TFEC: variants seen among roughly 807,000 people sequenced by gnomAD.
The protein encoded by TFEC is class E basic helix-loop-helix protein 34.
In TFEC, 31 loss-of-function variants were observed where a neutral mutation model predicts 41.6. The ratio of observed to expected loss-of-function variants is 0.74; its 90% CI spans 0.56 to 1.01. TFEC has a LOEUF of 1.01. Ranked by LOEUF, TFEC falls within the 50% of genes least tolerant of loss-of-function variation. The probability of loss-of-function intolerance (pLI) is 0.00; values close to 1 mark genes in which losing one functional copy is unlikely to be tolerated. For synonymous variants in TFEC, 143 were observed against 140.6 expected (o/e 1.02, Z -0.12); for missense variants, 402 against 404.1 (o/e 0.99, Z 0.04).
At chr7:116,136,628 G>T (rs1260892512) in intron 1 of TFEC, among the ~76,000 whole-genome samples, 1 of 151,702 alleles carries the variant, frequency 6.6e-6, no homozygotes, top group African/African-American at 2.4e-5. Flanking sequence ...ATTAATATTA[G>T]GTTATTTATA....
rs532886792 is a variant in TFEC at position 116,145,282 on chromosome 7, T to C, written c.-69+14508A>G. 1.3e-3 allele frequency among the ~76,000 whole-genome samples: 194 copies of C among 152,158 alleles called. 1 individual carries two copies. The highest frequency in any genetic ancestry group is 3.4e-3 in the Middle Eastern group (1 of 294). On this transcript the variant is annotated intron_variant, in intron 1 of 8. Coordinates refer to the TFEC transcript ENST00000484212. ...AATAAAATTCATGCTCATGAGAGAG[T>C]AAATTGATATCTACAAATCTCACCC...
intron 3 of TFEC, among the ~76,000 whole-genome samples, chr7:116,049,492 G>C (rs937222332): frequency 2.6e-5 from 4 of 152,134 alleles, no homozygotes; most frequent in Non-Finnish European, 4.4e-5. Context: ...AGTCCTTAGA[G>C]ACCTACAAAG....
Position 115,944,013 on chromosome 7 carries a change from A to ATTTTTTTTTTTTTTTTTTTTTTTTT in TFEC, c.516-1998_516-1974dup, listed in dbSNP as rs1160114562. 2.3e-3 allele frequency among the ~76,000 whole-genome samples: 53 copies of ATTTTTTTTTTTTTTTTTTTTTTTTT among 22,840 alleles called. 9 individuals are homozygous for ATTTTTTTTTTTTTTTTTTTTTTTTT. The highest frequency in any genetic ancestry group is 3.4e-3 in the Non-Finnish European group (33 of 9,652). The allele number at this position is 22,840 out of a possible 152,430, so 15.0% of individuals were successfully genotyped here. On this transcript the variant is annotated intron_variant, in intron 6 of 7. Transcript: ENST00000265440. ...GAAAATAATACTATGACAGGTCTGA[A>ATTTTTTTTTTTTTTTTTTTTTTTTT]TTTTTTTTTTTTTTTTTTTTTTTTT...
intron 5 of TFEC, among the ~76,000 whole-genome samples, chr7:115,953,118 A>G (rs1463285327): frequency 1.3e-5 from 2 of 151,114 alleles, no homozygotes; most frequent in East Asian, 1.9e-4. Flanking sequence ...CAGGGTGTTC[A>G]CCGTCACATT....
rs532199687 is a variant in TFEC at position 116,079,364 on chromosome 7, CACATCAGT to C, written c.198+31336_198+31343del. On this transcript the variant is annotated intron_variant, in intron 3 of 8. Transcript: ENST00000484212. The stretch of plus-strand genomic sequence containing the variant: ...ACAAGAAAAACAAATAAAGGGCATC[CACATCAGT>C]AAAGAGGAAGTCAAAATGTTAGTGT... Among the ~76,000 whole-genome samples, 112 of 152,072 alleles carry C rather than the reference CACATCAGT, an allele frequency of 7.4e-4. 1 individual carries two copies. The highest frequency in any genetic ancestry group is 2.6e-3 in the African/African-American group (106 of 41,508).
At chr7:116,125,563 A>G (rs1798192158) in intron 1 of TFEC, among the ~76,000 whole-genome samples, 1 of 152,206 alleles carries the variant, frequency 6.6e-6, no homozygotes, top group Admixed American at 6.5e-5. Flanking sequence ...CATGGAGAAT[A>G]CATTAGTTTA....
chr7:116,017,660 C>A (rs537851610), intron 1 of TFEC, among the ~76,000 whole-genome samples: 73 of 152,262 alleles, frequency 4.8e-4, no homozygotes, highest in African/African-American at 1.7e-3. Context: ...CCATACTGGA[C>A]TTTTACAGTT....
At chr7:116,070,161 CGT>C (rs1394906713) in intron 3 of TFEC, among the ~76,000 whole-genome samples, 5 of 150,700 alleles carry the variant, frequency 3.3e-5, no homozygotes, top group South Asian at 2.1e-4. Flanking sequence ...TGTGTGTGCG[CGT>C]GTGTGTATAT....
chr7:116,076,294 T>G (rs1300860438), intron 3 of TFEC, among the ~76,000 whole-genome samples: 1 of 152,022 alleles, frequency 6.6e-6, no homozygotes, highest in Admixed American at 6.6e-5. Flanking sequence ...GTACCAGATT[T>G]CCCTCTGACA....
chr7:116,100,951 T>C (rs1195744442), intron 3 of TFEC, among the ~76,000 whole-genome samples: 1 of 152,102 alleles, frequency 6.6e-6, no homozygotes, highest in Non-Finnish European at 1.5e-5. Flanking sequence ...AATGTTTTTT[T>C]TTCCTTATCT....
chr7:116,091,417 C>T (rs1212636240), intron 3 of TFEC, among the ~76,000 whole-genome samples: 1 of 152,068 alleles, frequency 6.6e-6, no homozygotes, highest in African/African-American at 2.4e-5. Flanking sequence ...GTTGCCTTTC[C>T]CTTAGAAGTT....
chr7:115,994,439 A>T (rs1794268110), intron 1 of TFEC, among the ~76,000 whole-genome samples: 1 of 152,192 alleles, frequency 6.6e-6, no homozygotes, highest in African/African-American at 2.4e-5. Flanking sequence ...ATGGGAGAAA[A>T]TTTTTACAAC....
chr7:115,984,230 G>C (rs764323882), intron 2 of TFEC, 32 bp downstream of exon 2: 6 of 1,597,948 alleles, frequency 3.8e-6, no homozygotes, highest in Non-Finnish European at 5.1e-6. Flanking sequence ...AAAAACTGAT[G>C]ATATATTTTT....
intron 6 of TFEC, among the ~76,000 whole-genome samples, chr7:115,949,554 A>C (rs1216071595): frequency 2.6e-5 from 4 of 152,076 alleles, no homozygotes; most frequent in African/African-American, 7.2e-5. Flanking sequence ...CGCATATATA[A>C]AACTATCTGA....
At chr7:116,129,006 A>G (rs1421115341) in intron 1 of TFEC, among the ~76,000 whole-genome samples, 1 of 152,092 alleles carries the variant, frequency 6.6e-6, no homozygotes, top group Non-Finnish European at 1.5e-5. Flanking sequence ...GACACGAATT[A>G]TTACATTGAA....
rs1367616081 is a variant in TFEC at position 115,935,982 on chromosome 7, A to G, written c.*4569T>C. 2 of 151,600 alleles carry G rather than the reference A, an allele frequency of 1.3e-5. No homozygotes were observed. The highest frequency in any genetic ancestry group is 3.0e-5 in the Non-Finnish European group (2 of 67,600). 9.4% of individuals were successfully genotyped at this position (151,600 alleles called of 1,614,324 possible). On this transcript the variant is annotated 3_prime_UTR_variant, in exon 8 of 8. Coordinates refer to ENST00000265440, the MANE Select transcript of TFEC (RefSeq NM_012252.4). ...TTAAGTTGGTTGAATCCTGGGAGAT[A>G]TATTTTTTAATCAAAATAGCTGTTT... is the stretch of plus-strand genomic sequence containing the variant.
upstream of TFEC, chr7:116,030,853 A>G: frequency 1.0e-6 from 1 of 982,624 alleles, no homozygotes; most frequent in Non-Finnish European, 1.2e-6. Context: ...TTGGAATTTC[A>G]GTTAAGGAAG....
At position 115,937,049 on chromosome 7, in the gene TFEC, A is replaced by G. The variant is rs1375599011; in HGVS notation, c.*3502T>C. On this transcript the variant is annotated 3_prime_UTR_variant, in exon 8 of 8. Transcript: ENST00000265440. Reference sequence around the variant, plus strand: ...GAGCTGTATCTACTCACAGGAGGTCATCATTATTTTAAGACAATTGGAAGT... The same window carrying G: ...GAGCTGTATCTACTCACAGGAGGTCGTCATTATTTTAAGACAATTGGAAGT... The G allele has an allele frequency of 6.6e-6, 1 of 151,658 alleles. No homozygotes were observed. Among genetic ancestry groups the G allele is most frequent in the Non-Finnish European group, 1.5e-5 (1 of 67,674 alleles). The allele number at this position is 151,658 out of a possible 1,614,324, so 9.4% of individuals were successfully genotyped here.
chr7:116,090,939 G>A (rs1797312248), intron 3 of TFEC, among the ~76,000 whole-genome samples: 3 of 151,742 alleles, frequency 2.0e-5, no homozygotes, highest in African/African-American at 7.3e-5. Flanking sequence ...GCACAGGGAG[G>A]GGAACATCAC....
Sources: allele counts gnomAD v4.1 joint callset (sites outside exome capture counted in the v4.1 genomes callset), GRCh38; gene constraint gnomAD v4.1.1; transcripts MANE v1.5; gene names NCBI Gene and HGNC (gene_info 2026-07-23, HGNC 2026-07-21).